PDE10A: variants seen among roughly 807,000 people sequenced by gnomAD.
PDE10A encodes cAMP and cAMP-inhibited cGMP 3',5'-cyclic phosphodiesterase 10A.
A neutral mutation model predicts 97.7 loss-of-function variants in PDE10A; 39 were observed. The observed-to-expected ratio is 0.40, with a 90% CI of 0.31 to 0.52. The LOEUF is 0.52. Among genes scored for constraint, PDE10A ranks in the 20% least tolerant of loss-of-function variants. The pLI, the probability that PDE10A is intolerant of heterozygous loss-of-function variation, is 0.56. For synonymous variants in PDE10A, 371 were observed against 376.8 expected (o/e 0.98, Z 0.18); for missense variants, 731 against 1,047.8 (o/e 0.70, Z 4.17).
At chr6:165,707,855 A>T (rs1162203885) in intron 1 of PDE10A, among the ~76,000 whole-genome samples, 1 of 152,126 alleles carries the variant, frequency 6.6e-6, no homozygotes, top group Non-Finnish European at 1.5e-5. Context: ...TACACAGCTC[A>T]GCAGCCCTTC....
intron 1 of PDE10A, among the ~76,000 whole-genome samples, chr6:165,778,220 A>AC (rs1778248011): frequency 6.6e-6 from 1 of 151,978 alleles, no homozygotes. Flanking sequence ...ACAGGTGCCC[A>AC]CCATCACGCC....
chr6:165,457,414 C>T (rs1051559785), intron 3 of PDE10A, among the ~76,000 whole-genome samples: 1 of 152,130 alleles, frequency 6.6e-6, no homozygotes, highest in African/African-American at 2.4e-5. Context: ...CTGTTCCACG[C>T]TGATTTCATG....
At chr6:165,406,614 G>A (rs937321463) in intron 13 of PDE10A, among the ~76,000 whole-genome samples, 3 of 151,978 alleles carry the variant, frequency 2.0e-5, no homozygotes, top group African/African-American at 4.8e-5. Context: ...CGTCTTTGAT[G>A]GTTAATTCTA....
intron 2 of PDE10A, among the ~76,000 whole-genome samples, chr6:165,494,493 C>T (rs1322054939): frequency 1.1e-4 from 16 of 144,006 alleles, no homozygotes; most frequent in Admixed American, 1.1e-3. Context: ...ACACAACAAA[C>T]ATAGTAGTAT....
At chr6:165,756,608 C>A (rs1164138672) in intron 1 of PDE10A, among the ~76,000 whole-genome samples, 2 of 152,086 alleles carry the variant, frequency 1.3e-5, no homozygotes, top group African/African-American at 4.8e-5. Flanking sequence ...GCACGGATGG[C>A]CAATTTCACG....
intron 1 of PDE10A, among the ~76,000 whole-genome samples, chr6:165,882,587 G>A (rs990831749): frequency 2.0e-5 from 3 of 152,080 alleles, no homozygotes; most frequent in Non-Finnish European, 2.9e-5. Flanking sequence ...TAGACTCAAC[G>A]GTGTTTTGCT....
At chr6:165,824,071 C>G (rs1324989106) in intron 1 of PDE10A, among the ~76,000 whole-genome samples, 1 of 152,184 alleles carries the variant, frequency 6.6e-6, no homozygotes, top group Non-Finnish European at 1.5e-5. Context: ...CTGTCTGACC[C>G]TTACAAAGTT....
At chr6:165,885,901 G>C (rs1319538886) in intron 1 of PDE10A, among the ~76,000 whole-genome samples, 1 of 152,186 alleles carries the variant, frequency 6.6e-6, no homozygotes, top group Non-Finnish European at 1.5e-5. Flanking sequence ...TTTGGCTAAA[G>C]ATAGAGAGAC....
intron 1 of PDE10A, among the ~76,000 whole-genome samples, chr6:165,980,510 T>C (rs543654359): frequency 3.3e-4 from 51 of 152,292 alleles, no homozygotes; most frequent in African/African-American, 1.2e-3. Context: ...ATGAAGGTAG[T>C]TTTATATATG....
At chr6:165,513,043 G>A (rs78430493) in intron 2 of PDE10A, among the ~76,000 whole-genome samples, 9,125 of 151,874 alleles carry the variant, frequency 0.06, 462 homozygotes, top group East Asian at 0.23. Context: ...ATATATTCTG[G>A]ATACAAGTTC....
At chr6:165,433,199 T>A (rs1210192699) in intron 6 of PDE10A, 70 bp from the exon 7 acceptor site, 8 of 1,199,844 alleles carry the variant, frequency 6.7e-6, no homozygotes, top group Non-Finnish European at 8.4e-6. Context: ...CTTATTTCTA[T>A]CAGAAATTGC....
At chr6:165,735,889 T>A (rs1187193576) in intron 1 of PDE10A, among the ~76,000 whole-genome samples, 1 of 152,170 alleles carries the variant, frequency 6.6e-6, no homozygotes, top group Non-Finnish European at 1.5e-5. Flanking sequence ...AAATTATGAA[T>A]CATCAAAGAC....
intron 1 of PDE10A, among the ~76,000 whole-genome samples, chr6:165,685,805 T>C (rs975013262): frequency 5.9e-5 from 9 of 152,218 alleles, no homozygotes; most frequent in African/African-American, 2.2e-4. Flanking sequence ...ATGCATTATA[T>C]GGGCAAAGCA....
intron 20 of PDE10A, 63 bp downstream of exon 20, chr6:165,339,215 G>C: frequency 1.1e-6 from 1 of 933,132 alleles, no homozygotes; most frequent in Non-Finnish European, 1.8e-6. Context: ...ATTTATGTAT[G>C]ATTTTATGCC....
At chr6:165,617,055 G>C (rs894472198) in intron 1 of PDE10A, among the ~76,000 whole-genome samples, 4 of 152,148 alleles carry the variant, frequency 2.6e-5, no homozygotes, top group Admixed American at 2.6e-4. Flanking sequence ...AATAATGAAA[G>C]AAAAGACTGG....
chr6:165,388,364 C>T lies in PDE10A; in HGVS notation c.2544G>A (p.Leu848=), dbSNP rs758838283. ...NSYLQKFDHP[L]AALYSTSTME... is the part of the protein sequence containing the mutation. ...TGGTGGAAGTGGAGTAGAGAGCGGCCAGAGGGTGGTCGAACTTCTGCAGGT... is the reference window on the plus strand; with the variant it reads ...TGGTGGAAGTGGAGTAGAGAGCGGCTAGAGGGTGGTCGAACTTCTGCAGGT... The change falls in exon 17 of 22, where the codon CTG becomes CTA. Residue 848 remains leucine (L), a synonymous_variant. Transcript: ENST00000539869. The surrounding 1 kb of genome is among the most constrained non-coding windows in gnomAD (Gnocchi z 4.0). 1 of 1,613,938 alleles carries T rather than the reference C, an allele frequency of 6.2e-7. No individual in the cohort carries two copies. Among genetic ancestry groups the T allele is most frequent in the African/African-American group, 1.3e-5 (1 of 74,890 alleles).
At chr6:165,881,209 T>C (rs1464463076) in intron 1 of PDE10A, among the ~76,000 whole-genome samples, 1 of 152,170 alleles carries the variant, frequency 6.6e-6, no homozygotes, top group South Asian at 2.1e-4. Flanking sequence ...CTAATAGGAA[T>C]GGAAATGTTC....
intron 13 of PDE10A, among the ~76,000 whole-genome samples, chr6:165,406,541 C>T (rs748760647): frequency 8.6e-5 from 13 of 152,042 alleles, no homozygotes; most frequent in Non-Finnish European, 1.8e-4. Context: ...ATTACTTTAT[C>T]GATGAAGTTT....
At position 165,332,110 on chromosome 6, in the gene PDE10A, AC is replaced by A. The variant is rs1190743785; in HGVS notation, c.*914del. 1 of 152,240 alleles carries A rather than the reference AC, an allele frequency of 6.6e-6. No individual in the cohort carries two copies. The highest frequency in any genetic ancestry group is 1.5e-5 in the Non-Finnish European group (1 of 68,042). 9.4% of individuals were successfully genotyped at this position (152,240 alleles called of 1,614,324 possible). ...AATGAGAGTCTAAAATTCTGCAATGACACAAAGTGAAAATATAAAGGAATCA... is the reference window on the plus strand; with the variant it reads ...AATGAGAGTCTAAAATTCTGCAATGAACAAAGTGAAAATATAAAGGAATCA... On this transcript the variant is annotated 3_prime_UTR_variant, in exon 22 of 22. Transcript: ENST00000539869.
Sources: allele counts gnomAD v4.1 joint callset (sites outside exome capture counted in the v4.1 genomes callset), GRCh38; gene constraint gnomAD v4.1.1; non-coding constraint Gnocchi (gnomAD v3.1); transcripts MANE v1.5; gene names NCBI Gene and HGNC (gene_info 2026-07-23, HGNC 2026-07-21).